The following PTPRD variants were observed in gnomAD, a reference collection of about 807,000 sequenced individuals.
PTPRD encodes protein tyrosine phosphatase receptor type D.
A neutral mutation model predicts 214.5 loss-of-function variants in PTPRD; 34 were observed. The ratio of observed to expected loss-of-function variants is 0.16; its 90% CI spans 0.12 to 0.21. The LOEUF (loss-of-function observed/expected upper bound fraction) is 0.21, where lower values mean the gene tolerates loss of function less well. Ranked by LOEUF, PTPRD falls within the 10% of genes least tolerant of loss-of-function variation. The pLI is 1.00. For synonymous variants in PTPRD, 1,128 were observed against 845.7 expected (o/e 1.33, Z -5.79); for missense variants, 2,545 against 2,398.7 (o/e 1.06, Z -1.27).
chr9:9,817,425 T>C (rs1305612644), intron 5 of PTPRD, among the ~76,000 whole-genome samples: 1 of 152,186 alleles, frequency 6.6e-6, no homozygotes, highest in Non-Finnish European at 1.5e-5. Flanking sequence ...TATTTATAGA[T>C]ATTTAATAAA....
At chr9:9,211,646 TTAA>T (rs1354893676) in intron 9 of PTPRD, among the ~76,000 whole-genome samples, 1 of 152,044 alleles carries the variant, frequency 6.6e-6, no homozygotes, top group Non-Finnish European at 1.5e-5. Flanking sequence ...CCAAAGAGCC[TTAA>T]TAATTAGATT....
At chr9:9,854,983 G>A (rs771086179) in intron 5 of PTPRD, among the ~76,000 whole-genome samples, 1 of 151,998 alleles carries the variant, frequency 6.6e-6, no homozygotes, top group Non-Finnish European at 1.5e-5. Context: ...ACATTATTTT[G>A]TCAAATGGCC....
At chr9:9,509,880 C>T (rs1215697156) in intron 8 of PTPRD, among the ~76,000 whole-genome samples, 1 of 151,634 alleles carries the variant, frequency 6.6e-6, no homozygotes, top group Non-Finnish European at 1.5e-5. Context: ...GGCCTTAGCT[C>T]TATTCTCTGT....
intron 11 of PTPRD, among the ~76,000 whole-genome samples, chr9:8,756,837 G>A (rs933749644): frequency 6.6e-6 from 1 of 152,004 alleles, no homozygotes; most frequent in Non-Finnish European, 1.5e-5. Flanking sequence ...TTGAAATATG[G>A]CTCCAAAGAA....
At chr9:9,324,187 T>A (rs917409541) in intron 9 of PTPRD, among the ~76,000 whole-genome samples, 3 of 152,188 alleles carry the variant, frequency 2.0e-5, no homozygotes, top group African/African-American at 7.2e-5. Context: ...TGATTTACAA[T>A]CCTTTGGGTA....
chr9:10,338,117 A>G (rs1225569152), intron 3 of PTPRD, among the ~76,000 whole-genome samples: 1 of 151,654 alleles, frequency 6.6e-6, no homozygotes, highest in African/African-American at 2.4e-5. Flanking sequence ...AATGCATAAA[A>G]AGATTATATA....
At chr9:9,907,850 TTCA>T (rs1357129412) in intron 5 of PTPRD, among the ~76,000 whole-genome samples, 1 of 152,052 alleles carries the variant, frequency 6.6e-6, no homozygotes, top group Non-Finnish European at 1.5e-5. Context: ...AGTTGTCATT[TTCA>T]TCACTCATAC....
At chr9:8,738,391 T>C (rs1057241488) in intron 11 of PTPRD, among the ~76,000 whole-genome samples, 1 of 150,062 alleles carries the variant, frequency 6.7e-6, no homozygotes, top group African/African-American at 2.5e-5. Flanking sequence ...TACTGTTATT[T>C]GTGTCTAAAT....
At chr9:9,919,980 AC>A (rs1448855410) in intron 5 of PTPRD, among the ~76,000 whole-genome samples, 1 of 152,000 alleles carries the variant, frequency 6.6e-6, no homozygotes, top group Non-Finnish European at 1.5e-5. Context: ...CTTCATATAC[AC>A]CTTGAAGTTT....
intron 7 of PTPRD, among the ~76,000 whole-genome samples, chr9:9,653,372 A>G (rs2096421652): frequency 7.1e-6 from 1 of 140,118 alleles, no homozygotes; most frequent in Non-Finnish European, 1.5e-5. Context: ...AAAAAAAAAA[A>G]AAAAAAAAAA....
chr9:10,324,085 C>T (rs1406535905), intron 3 of PTPRD, among the ~76,000 whole-genome samples: 4 of 151,952 alleles, frequency 2.6e-5, no homozygotes, highest in African/African-American at 7.2e-5. Context: ...ATAAAGCAAA[C>T]CCTTTGTAAA....
chr9:8,938,939 C>A (rs16928634), intron 11 of PTPRD, among the ~76,000 whole-genome samples: 2 of 152,110 alleles, frequency 1.3e-5, no homozygotes, highest in East Asian at 1.9e-4. Context: ...AGTTCCATTA[C>A]GTAAAAGCTG....
chr9:8,671,395 G>C (rs1171544875), intron 12 of PTPRD, among the ~76,000 whole-genome samples: 4 of 152,094 alleles, frequency 2.6e-5, no homozygotes. Context: ...TAGGAAATAT[G>C]TATCATGTAA....
chr9:10,098,399 C>T (rs1418746394), intron 3 of PTPRD, among the ~76,000 whole-genome samples: 2 of 151,012 alleles, frequency 1.3e-5, no homozygotes, highest in Non-Finnish European at 1.5e-5. Flanking sequence ...TGCTAAATGA[C>T]GAGTTAATGT....
At chr9:8,506,549 C>A (rs1592265253) in intron 22 of PTPRD, among the ~76,000 whole-genome samples, 1 of 152,118 alleles carries the variant, frequency 6.6e-6, no homozygotes, top group African/African-American at 2.4e-5. Context: ...TCCACTAGTG[C>A]GAGACTTTGA....
intron 8 of PTPRD, among the ~76,000 whole-genome samples, chr9:9,408,896 C>A (rs1377281039): frequency 6.6e-6 from 1 of 151,576 alleles, no homozygotes; most frequent in Non-Finnish European, 1.5e-5. Flanking sequence ...TATAAATTTC[C>A]CAATATTGGT....
At chr9:8,899,605 A>T (rs1163247362) in intron 11 of PTPRD, among the ~76,000 whole-genome samples, 21 of 152,092 alleles carry the variant, frequency 1.4e-4, no homozygotes, top group Admixed American at 1.4e-3. Flanking sequence ...CATGGCAAGG[A>T]GCAGTTGTGG....
At chr9:9,856,304 C>A (rs923403871) in intron 5 of PTPRD, among the ~76,000 whole-genome samples, 3 of 151,982 alleles carry the variant, frequency 2.0e-5, no homozygotes, top group Non-Finnish European at 1.5e-5. Flanking sequence ...GGGTGGTTTA[C>A]GAAAAGGCAA....
chr9:8,353,817 AAT>A (rs1322608469), intron 39 of PTPRD, among the ~76,000 whole-genome samples: 3 of 98,588 alleles, frequency 3.0e-5, no homozygotes, highest in Non-Finnish European at 5.2e-5. Context: ...CTCAAAAAAA[AAT>A]ATATGTATAT....
Sources: gnomAD v4.1 joint callset for allele counts (sites outside exome capture counted in the v4.1 genomes callset) on GRCh38, gnomAD v4.1.1 for gene constraint, MANE v1.5 for transcripts, NCBI Gene and HGNC (gene_info 2026-07-23, HGNC 2026-07-21) for gene names.